Variants in PHF24 observed in about 807,000 individuals in gnomAD.
The protein encoded by PHF24 is PHD finger protein 24.
In PHF24, 25 loss-of-function variants were observed where a neutral mutation model predicts 42.6. The ratio of observed to expected loss-of-function variants is 0.59; its 90% confidence interval spans 0.43 to 0.82. PHF24 has a LOEUF of 0.82. Among genes scored for constraint, PHF24 ranks in the 40% least tolerant of loss-of-function variants. The pLI is 0.00. For missense variants in PHF24, 470 were observed against 538.1 expected, an observed-to-expected ratio of 0.87 and a Z score of 1.25; for synonymous variants, 185 against 204.8, an observed-to-expected ratio of 0.90 and a Z score of 0.83.
the PHF24 span, among the ~76,000 whole-genome samples, chr9:34,810,124 C>G: frequency 7.9e-5 from 12 of 152,038 alleles, no homozygotes; most frequent in African/African-American, 2.6e-4. Context: ...AGCGCAGGGC[C>G]GGCAGTATAG....
chr9:34,896,640 A>AAAG, the PHF24 span, among the ~76,000 whole-genome samples: 2 of 152,200 alleles, frequency 1.3e-5, no homozygotes, highest in Non-Finnish European at 2.9e-5. Context: ...TGTTTGCCTA[A>AAAG]AAGAGTGTTT....
the PHF24 span, chr9:34,895,770 A>G: frequency 0.21 from 83,675 of 400,424 alleles, 9,938 homozygotes; most frequent in East Asian, 0.46. Flanking sequence ...TCACTGTCTT[A>G]GAACCTAATA....
At chr9:34,923,158 G>T in the PHF24 span, among the ~76,000 whole-genome samples, 1 of 150,604 alleles carries the variant, frequency 6.6e-6, no homozygotes, top group Non-Finnish European at 1.5e-5. Flanking sequence ...TTGATATGAT[G>T]TATCACATTG....
chr9:34,883,653 T>A, the PHF24 span, among the ~76,000 whole-genome samples: 418 of 152,134 alleles, frequency 2.7e-3, 1 homozygote, highest in African/African-American at 9.2e-3. Context: ...TGCAAATCAA[T>A]ACCACAATGA....
chr9:34,743,417 T>C, the PHF24 span, among the ~76,000 whole-genome samples: 1 of 152,234 alleles, frequency 6.6e-6, no homozygotes, highest in Non-Finnish European at 1.5e-5. Context: ...CAGAGGATTA[T>C]TTACAAACAT....
the PHF24 span, among the ~76,000 whole-genome samples, chr9:34,798,113 A>G: frequency 2.0e-5 from 3 of 152,232 alleles, no homozygotes; most frequent in Admixed American, 1.3e-4. Flanking sequence ...GTCTGTATCC[A>G]GATTTTGTTG....
the PHF24 span, chr9:34,918,385 C>A: frequency 1.6e-6 from 1 of 644,994 alleles, no homozygotes; most frequent in South Asian, 1.7e-5. Context: ...AATTGTAACT[C>A]GAAGGGTGAA....
chr9:34,858,038 CAGAT>C, the PHF24 span, among the ~76,000 whole-genome samples: 10 of 139,872 alleles, frequency 7.1e-5, no homozygotes, highest in South Asian at 2.2e-4. Flanking sequence ...AATATTTTGT[CAGAT>C]AGTTCATAAA....
At chr9:34,775,008 A>G in the PHF24 span, among the ~76,000 whole-genome samples, 19 of 152,176 alleles carry the variant, frequency 1.2e-4, no homozygotes, top group Non-Finnish European at 2.4e-4. Flanking sequence ...GTAGTTCCTC[A>G]AAAAATTAAA....
the PHF24 span, among the ~76,000 whole-genome samples, chr9:34,903,690 C>A: frequency 2.6e-5 from 4 of 152,340 alleles, no homozygotes; most frequent in South Asian, 8.3e-4. Flanking sequence ...GTGTGTCCCC[C>A]AACTGCAGGA....
At chr9:34,880,645 A>T in the PHF24 span, among the ~76,000 whole-genome samples, 1 of 152,352 alleles carries the variant, frequency 6.6e-6, no homozygotes, top group East Asian at 1.9e-4. Flanking sequence ...TCAGTTCAAC[A>T]AGAAGAGCTA....
At chr9:34,903,835 G>A in the PHF24 span, among the ~76,000 whole-genome samples, 1 of 152,294 alleles carries the variant, frequency 6.6e-6, no homozygotes, top group Non-Finnish European at 1.5e-5. Context: ...ATTTGTTTGT[G>A]TCATCTATGA....
rs73645444 is a variant in PHF24, at chr9:34,976,413, A to C, written c.644-122A>C. The C allele has an allele frequency of 2.9e-3, 3,346 of 1,134,618 alleles. 73 individuals carry two copies. In the African/African-American group the frequency reaches 0.045, roughly 15 times the overall value. The allele number at this position is 1,134,618 out of a possible 1,614,324, so 70.3% of individuals were successfully genotyped here. A position where few individuals can be genotyped will look rare whatever the true frequency, so the allele number is the denominator to read the frequency against. On this transcript the variant is annotated intron_variant, in intron 4 of 7. Transcript: ENST00000242315. ...TGTCACAGCCTGGGTGACCCTGGCCATGGGAGGCAGAGACTTAGCAAGAGC... is the reference window on the plus strand; with the variant it reads ...TGTCACAGCCTGGGTGACCCTGGCCCTGGGAGGCAGAGACTTAGCAAGAGC...
chr9:34,779,111 G>A, the PHF24 span, among the ~76,000 whole-genome samples: 1 of 151,928 alleles, frequency 6.6e-6, no homozygotes, highest in African/African-American at 2.4e-5. Flanking sequence ...GTGCTGAAAG[G>A]GAGTTATAGT....
At chr9:34,886,736 A>ATATCTATCTATCTATCTATCTATC in the PHF24 span, among the ~76,000 whole-genome samples, 172 of 148,244 alleles carry the variant, frequency 1.2e-3, no homozygotes, top group African/African-American at 4.0e-3. Flanking sequence ...TCATGGTTTT[A>ATATCTATCTATCTATCTATCTATC]TATCTATCTA....
the PHF24 span, among the ~76,000 whole-genome samples, chr9:34,945,903 A>G: frequency 3.3e-5 from 5 of 152,354 alleles, no homozygotes; most frequent in South Asian, 1.0e-3. Flanking sequence ...CAGCAAGGCC[A>G]ATGGGAATTC....
the PHF24 span, among the ~76,000 whole-genome samples, chr9:34,817,346 G>C: frequency 6.6e-6 from 1 of 152,122 alleles, no homozygotes; most frequent in African/African-American, 2.4e-5. Flanking sequence ...CTGGGGTCAA[G>C]CCATCTTCCT....
chr9:34,765,887 G>C, the PHF24 span, among the ~76,000 whole-genome samples: 1 of 151,844 alleles, frequency 6.6e-6, no homozygotes, highest in Non-Finnish European at 1.5e-5. Context: ...CTCTTTTAGG[G>C]CATGCCTGGT....
chr9:34,935,647 A>G, the PHF24 span, among the ~76,000 whole-genome samples: 2 of 150,892 alleles, frequency 1.3e-5, no homozygotes, highest in Non-Finnish European at 2.9e-5. Flanking sequence ...GGAGACAGCT[A>G]CATAGGAAAG....
Sources: allele counts gnomAD v4.1 joint callset (sites outside exome capture counted in the v4.1 genomes callset), GRCh38; gene constraint gnomAD v4.1.1; transcripts MANE v1.5; gene names NCBI Gene and HGNC (gene_info 2026-07-23, HGNC 2026-07-21).